Variants in EXOC2 observed in about 807,000 individuals in gnomAD.
EXOC2 encodes the protein SEC5-like 1.
Under a neutral mutation model 131.8 loss-of-function variants are expected in EXOC2, and 70 were observed. That is an observed-to-expected ratio of 0.53 (90% CI 0.44 to 0.65). The LOEUF is 0.65. EXOC2 is among the 30% of genes least tolerant of loss of function. The pLI is 0.00. For missense variants in EXOC2, 923 were observed against 1,108.6 expected (o/e 0.83, Z 2.38); for synonymous variants, 411 against 398.4 (o/e 1.03, Z -0.38).
At chr6:517,446 T>G (rs1254723995) in intron 23 of EXOC2, among the ~76,000 whole-genome samples, 1 of 152,220 alleles carries the variant, frequency 6.6e-6, no homozygotes, top group Admixed American at 6.5e-5. Flanking sequence ...TAATGACCTT[T>G]GAGAAATACT....
chr6:494,702 A>G (rs1219731410), intron 25 of EXOC2, among the ~76,000 whole-genome samples: 1 of 152,154 alleles, frequency 6.6e-6, no homozygotes, highest in Non-Finnish European at 1.5e-5. Context: ...CAGTATACGT[A>G]TATGTCTGTG....
intron 26 of EXOC2, among the ~76,000 whole-genome samples, chr6:490,207 A>G (rs370473829): frequency 2.0e-5 from 3 of 152,222 alleles, no homozygotes; most frequent in Middle Eastern, 3.2e-3. Context: ...ACACCCTCAA[A>G]AGCTTGCCTA....
chr6:531,497 A>G (rs1392219377), intron 23 of EXOC2, among the ~76,000 whole-genome samples: 1 of 148,926 alleles, frequency 6.7e-6, no homozygotes, highest in East Asian at 2.0e-4. Flanking sequence ...CTGTGGTCAC[A>G]TTAAGTAACT....
chr6:598,782 A>T, intron 9 of EXOC2, 78 bp downstream of exon 9: 1 of 1,197,462 alleles, frequency 8.4e-7, no homozygotes, highest in South Asian at 1.4e-5. Flanking sequence ...AACTCATATA[A>T]CATTCTTTGC....
At chr6:684,468 A>G (rs1453061688) in intron 1 of EXOC2, among the ~76,000 whole-genome samples, 2 of 152,212 alleles carry the variant, frequency 1.3e-5, no homozygotes, top group African/African-American at 4.8e-5. Flanking sequence ...ATTTCACTAA[A>G]ATCAAGACAA....
intron 17 of EXOC2, among the ~76,000 whole-genome samples, chr6:557,617 C>CG (rs555466681): frequency 3.6e-5 from 4 of 111,194 alleles, no homozygotes; most frequent in African/African-American, 1.5e-4. Context: ...GACTTCATCT[C>CG]AAAAAAAAAA....
At chr6:692,700 T>C (rs6906847) in intron 1 of EXOC2, among the ~76,000 whole-genome samples, 91 of 152,322 alleles carry the variant, frequency 6.0e-4, no homozygotes, top group Non-Finnish European at 1.2e-3. Context: ...CGGCGCAGTC[T>C]GGGGCCAGCT....
intron 22 of EXOC2, among the ~76,000 whole-genome samples, chr6:534,524 G>C (rs1766318289): frequency 6.6e-6 from 1 of 152,094 alleles, no homozygotes; most frequent in Admixed American, 6.5e-5. Context: ...GAAAGAACTG[G>C]TCTGACGTCA....
chr6:532,576 C>A lies in EXOC2; in HGVS notation c.2273G>T (p.Arg758Ile). 1 of 1,605,304 alleles carries A rather than the reference C, an allele frequency of 6.2e-7. No individual in the cohort carries two copies. Among genetic ancestry groups the A allele is most frequent in the Non-Finnish European group, 8.5e-7 (1 of 1,176,984 alleles). ...SMASLKELDQ[R>I]LFENYIELKA... ...CAACTCGATGTAATTTTCAAAGAGT[C>A]TTTGATCTAGTTCTTTCAATGAGGC... The change falls in exon 23 of 28, where the codon AGA (arginine) becomes ATA (isoleucine). Residue 758 changes from arginine to isoleucine, a missense_variant. Coordinates refer to ENST00000230449, the MANE Select transcript of EXOC2 (RefSeq NM_018303.6).
chr6:587,112 T>C (rs1213669490), intron 11 of EXOC2, among the ~76,000 whole-genome samples: 1 of 152,126 alleles, frequency 6.6e-6, no homozygotes, highest in African/African-American at 2.4e-5. Context: ...TCAACAACAG[T>C]TGTAGATCAC....
intron 15 of EXOC2, among the ~76,000 whole-genome samples, 173 bp from the exon 16 acceptor site, chr6:564,327 C>G (rs546659216): frequency 6.6e-6 from 1 of 152,072 alleles, no homozygotes; most frequent in Non-Finnish European, 1.5e-5. Flanking sequence ...CTGAGTGAAA[C>G]AACGGAGAAG....
At chr6:625,757 A>C (rs1335707681) in intron 4 of EXOC2, among the ~76,000 whole-genome samples, 1 of 152,206 alleles carries the variant, frequency 6.6e-6, no homozygotes, top group East Asian at 1.9e-4. Flanking sequence ...ATTCGAAGAA[A>C]ATCAGGTTTG....
At chr6:604,541 C>T (rs1019283463) in intron 7 of EXOC2, among the ~76,000 whole-genome samples, 5 of 152,162 alleles carry the variant, frequency 3.3e-5, no homozygotes, top group Non-Finnish European at 7.3e-5. Context: ...TAAACTTCTG[C>T]GATGGCTCAC....
At chr6:635,919 G>T (rs1457071182) in intron 2 of EXOC2, among the ~76,000 whole-genome samples, 1 of 152,174 alleles carries the variant, frequency 6.6e-6, no homozygotes, top group Non-Finnish European at 1.5e-5. Context: ...AAATTAGCTG[G>T]GTATGGCGGC....
At chr6:611,077 C>T (rs140971915) in intron 6 of EXOC2, among the ~76,000 whole-genome samples, 14 of 152,168 alleles carry the variant, frequency 9.2e-5, no homozygotes, top group East Asian at 3.9e-4. Context: ...CTAAGTGAAA[C>T]GGAAAGGAAC....
chr6:543,026 C>T (rs548711164), intron 22 of EXOC2, among the ~76,000 whole-genome samples: 20 of 152,096 alleles, frequency 1.3e-4, no homozygotes, highest in African/African-American at 4.3e-4. Context: ...AGAGTGGAAA[C>T]GTTTAGACAT....
At chr6:643,297 A>T (rs1308456722) in intron 1 of EXOC2, among the ~76,000 whole-genome samples, 1 of 152,176 alleles carries the variant, frequency 6.6e-6, no homozygotes, top group Non-Finnish European at 1.5e-5. Context: ...TGCTCATGGA[A>T]TGTTCACCAA....
chr6:531,910 T>C (rs1428361595), intron 23 of EXOC2, among the ~76,000 whole-genome samples: 4 of 152,252 alleles, frequency 2.6e-5, no homozygotes. Flanking sequence ...ATTTTAAAAA[T>C]ATATATTTTG....
In EXOC2 at chr6:508,694, G is replaced by A. The variant is rs142755494; in HGVS notation, c.2381-8994C>T. On this transcript the variant is annotated intron_variant, in intron 23 of 27. Transcript: ENST00000230449. ...TCACCTACTGAAGGATTACTTGGTTGCTTCCAAGTTTTGGCAATTATGAAT... is the reference window on the plus strand; with the variant it reads ...TCACCTACTGAAGGATTACTTGGTTACTTCCAAGTTTTGGCAATTATGAAT... 3.6e-3 allele frequency among the ~76,000 whole-genome samples: 543 copies of A among 152,348 alleles called. 7 individuals are homozygous for A. The highest frequency in any genetic ancestry group is 0.012 in the African/African-American group (481 of 41,584).
Sources: allele counts gnomAD v4.1 joint callset (sites outside exome capture counted in the v4.1 genomes callset), GRCh38; gene constraint gnomAD v4.1.1; transcripts MANE v1.5; gene names NCBI Gene and HGNC (gene_info 2026-07-23, HGNC 2026-07-21).